The following RNPC3 variants were observed in gnomAD, a reference collection of about 807,000 sequenced individuals.
The protein encoded by RNPC3 is RNA-binding region-containing protein 3.
RNPC3 carries 48 observed loss-of-function variants against 67.5 expected under a neutral mutation model. The ratio of observed to expected loss-of-function variants is 0.71; its 90% CI spans 0.56 to 0.90. The LOEUF (loss-of-function observed/expected upper bound fraction) is 0.90, where lower values mean the gene tolerates loss of function less well. RNPC3 is among the 40% of genes least tolerant of loss of function. The probability of loss-of-function intolerance (pLI) is 0.00; values close to 1 mark genes in which losing one functional copy is unlikely to be tolerated. For missense variants in RNPC3, 637 were observed against 626.1 expected (o/e 1.02, Z -0.19); for synonymous variants, 239 against 210.3 (o/e 1.14, Z -1.18).
At chr1:103,530,203 G>A (rs986010885) in intron 2 of RNPC3, among the ~76,000 whole-genome samples, 18 of 152,020 alleles carry the variant, frequency 1.2e-4, no homozygotes, top group African/African-American at 4.1e-4. Flanking sequence ...TGAAGACAAA[G>A]ATGATTATAG....
chr1:103,534,776 C>T lies in RNPC3; in HGVS notation c.362C>T (p.Ser121Phe). Reference protein sequence around the residue: ...PTSGSEKKKRSDDPVEDDKEK... With the variant: ...PTSGSEKKKRFDDPVEDDKEK... Reference sequence around the variant, plus strand: ...AACTTTGATTCTGTATGTCCCAGGTCTGATGACCCTGTCGAAGATGATAAA... The same window carrying T: ...AACTTTGATTCTGTATGTCCCAGGTTTGATGACCCTGTCGAAGATGATAAA... The change falls in exon 4 of 15, where the codon TCT becomes TTT. Residue 121 changes from serine (S) to phenylalanine (F), a missense_variant and splice_region_variant. Physicochemically the swap from Ser to Phe is radical, Grantham distance 155. This residue lies in a region of RNPC3 where 536 missense variants were observed against 500.3 expected (regional missense o/e 1.07). Coordinates refer to ENST00000423855, the MANE Select transcript of RNPC3 (RefSeq NM_017619.4). The T allele has an allele frequency of 1.3e-6, 2 of 1,518,224 alleles. No individual in the cohort carries two copies. Among genetic ancestry groups the T allele is most frequent in the Non-Finnish European group, 1.8e-6 (2 of 1,134,646 alleles). 94.0% of individuals were successfully genotyped at this position (1,518,224 alleles called of 1,614,324 possible).
rs1444005837 is a variant in RNPC3 at position 103,547,035 on chromosome 1, TGTAA to T, written c.1361+3_1361+6del. The T allele has an allele frequency of 6.8e-7, 1 of 1,476,434 alleles. No homozygotes were observed. 91.5% of individuals were successfully genotyped at this position (1,476,434 alleles called of 1,614,324 possible). A position where few individuals can be genotyped will look rare whatever the true frequency, so the allele number is the denominator to read the frequency against. ...TTTTCATCAGAAACACAGCGGATCA[TGTAA>T]GTGACAGTAAAATACAATCTTCAAT... On this transcript the variant is annotated splice_donor_variant and splice_donor_region_variant and intron_variant, in intron 12 of 14. Transcript: ENST00000423855. LOFTEE classifies it high-confidence loss of function.
chr1:103,532,553 G>A (rs1257576169), intron 2 of RNPC3, among the ~76,000 whole-genome samples: 2 of 152,022 alleles, frequency 1.3e-5, no homozygotes, highest in Non-Finnish European at 2.9e-5. Flanking sequence ...TTCGGATGCT[G>A]GATTAAATCA....
At chr1:103,543,076 C>T (rs947439701) in intron 8 of RNPC3, among the ~76,000 whole-genome samples, 3 of 151,638 alleles carry the variant, frequency 2.0e-5, no homozygotes, top group African/African-American at 4.8e-5. Flanking sequence ...CGCTGAACCT[C>T]GGTCTTTTTA....
intron 13 of RNPC3, 82 bp from the exon 14 acceptor site, chr1:103,551,639 C>CCACA: frequency 1.3e-6 from 1 of 795,614 alleles, no homozygotes; most frequent in Non-Finnish European, 2.0e-6. Flanking sequence ...ATACTCCCAC[C>CCACA]ATACACTAGA....
At chr1:103,528,951 G>A (rs1650776978) in intron 2 of RNPC3, among the ~76,000 whole-genome samples, 3 of 152,210 alleles carry the variant, frequency 2.0e-5, no homozygotes, top group African/African-American at 7.2e-5. Context: ...AATTCTCATC[G>A]GTAAAAGGAA....
At chr1:103,540,942 T>C (rs1445545649) in intron 7 of RNPC3, among the ~76,000 whole-genome samples, 1 of 152,160 alleles carries the variant, frequency 6.6e-6, no homozygotes, top group African/African-American at 2.4e-5. Flanking sequence ...CATATTTCAG[T>C]CCAGGCTCCG....
rs904232795 is a variant in RNPC3 at position 103,531,749 on chromosome 1, G to A, written c.241-1990G>A. On this transcript the variant is annotated intron_variant, in intron 2 of 14. Coordinates refer to ENST00000423855, the MANE Select transcript of RNPC3 (RefSeq NM_017619.4). ...CTGGACATTAGTGGTTTTTTTGGATGTATAGATTGCAAATATTTTCTCCCG... is the reference window on the plus strand; with the variant it reads ...CTGGACATTAGTGGTTTTTTTGGATATATAGATTGCAAATATTTTCTCCCG... Among the ~76,000 whole-genome samples the A allele has an allele frequency of 2.6e-5, 4 of 152,112 alleles. No individual in the cohort carries two copies. In the East Asian group the frequency reaches 5.8e-4, roughly 22 times the overall value.
chr1:103,547,237 T>G (rs1046255956), intron 12 of RNPC3, among the ~76,000 whole-genome samples: 1 of 152,168 alleles, frequency 6.6e-6, no homozygotes, highest in African/African-American at 2.4e-5. Context: ...TAGTAAAAAT[T>G]TAATATTTTT....
chr1:103,549,408 A>G (rs1307710567), intron 12 of RNPC3, among the ~76,000 whole-genome samples: 1 of 152,176 alleles, frequency 6.6e-6, no homozygotes, highest in Non-Finnish European at 1.5e-5. Flanking sequence ...ATTTATATCC[A>G]TTAGGGGCAA....
In RNPC3 at chr1:103,551,087, C is replaced by A; in HGVS notation, c.1494+14C>A. On this transcript the variant is annotated intron_variant, in intron 13 of 14. Transcript: ENST00000423855. ...CCCATGGTGGTTGTATCCTTTAAAT[C>A]CATCTATTTCAAAACTATATAATTT... 6.3e-7 allele frequency: 1 copy of A among 1,581,012 alleles called. No individual in the cohort carries two copies. The highest frequency in any genetic ancestry group is 1.2e-5 in the South Asian group (1 of 86,154).
intron 3 of RNPC3, among the ~76,000 whole-genome samples, chr1:103,534,540 G>A (rs1650936281): frequency 6.6e-6 from 1 of 151,898 alleles, no homozygotes; most frequent in Non-Finnish European, 1.5e-5. Context: ...ATATGAAAAT[G>A]TGTAGTGCTC....
intron 6 of RNPC3, among the ~76,000 whole-genome samples, chr1:103,536,546 G>A (rs950513027): frequency 6.6e-6 from 1 of 152,078 alleles, no homozygotes; most frequent in Non-Finnish European, 1.5e-5. Context: ...ACGAAAAAGG[G>A]AGCTGATATT....
intron 13 of RNPC3, chr1:103,551,348 A>G: frequency 2.6e-6 from 1 of 388,664 alleles, no homozygotes; most frequent in Non-Finnish European, 4.6e-6. Flanking sequence ...AAGAGACTAG[A>G]GTATCCAGAA....
At chr1:103,541,643 C>G (rs1030990969) in intron 8 of RNPC3, among the ~76,000 whole-genome samples, 168 bp downstream of exon 8, 7 of 152,040 alleles carry the variant, frequency 4.6e-5, no homozygotes, top group Non-Finnish European at 8.8e-5. Flanking sequence ...CACAGTTGAC[C>G]ACTACTCTCT....
At position 103,533,825 on chromosome 1, in the gene RNPC3, A is replaced by T; in HGVS notation, c.327A>T (p.Pro109=). The T allele has an allele frequency of 1.3e-6, 2 of 1,527,062 alleles. No homozygotes were observed. The highest frequency in any genetic ancestry group is 8.8e-7 in the Non-Finnish European group (1 of 1,138,816). The allele number at this position is 1,527,062 out of a possible 1,614,324, so 94.6% of individuals were successfully genotyped here. The change falls in exon 3 of 15, where the codon CCA becomes CCT. Residue 109 remains proline (P), a synonymous_variant. Transcript: ENST00000423855. ...FAKEQDRVHS[P]CPTSGSEKKK... Reference sequence around the variant, plus strand: ...AAGAGCAAGATCGAGTTCACTCCCCATGTCCCACTTCAGGCTCTGAAAAAA... The same window carrying T: ...AAGAGCAAGATCGAGTTCACTCCCCTTGTCCCACTTCAGGCTCTGAAAAAA...
intron 12 of RNPC3, among the ~76,000 whole-genome samples, chr1:103,547,392 C>G (rs566016261): frequency 1.3e-5 from 2 of 152,068 alleles, no homozygotes; most frequent in African/African-American, 4.8e-5. Flanking sequence ...GGATTCCGAC[C>G]GTAATCTTCC....
At chr1:103,530,547 A>G (rs1233129465) in intron 2 of RNPC3, among the ~76,000 whole-genome samples, 1 of 152,128 alleles carries the variant, frequency 6.6e-6, no homozygotes, top group Non-Finnish European at 1.5e-5. Context: ...AGTGGGAGTG[A>G]TCATTGGATT....
At chr1:103,540,438 A>G (rs1375817226) in intron 7 of RNPC3, among the ~76,000 whole-genome samples, 2 of 152,234 alleles carry the variant, frequency 1.3e-5, no homozygotes, top group African/African-American at 4.8e-5. Context: ...TACTGAATAT[A>G]TGCCTAGCAC....
Sources: gnomAD v4.1 joint callset for allele counts (sites outside exome capture counted in the v4.1 genomes callset) on GRCh38, gnomAD v4.1.1 for gene constraint, gnomAD v4.1.1 regional missense constraint, MANE v1.5 for transcripts, NCBI Gene and HGNC (gene_info 2026-07-23, HGNC 2026-07-21) for gene names.